MYO16: variants seen among roughly 807,000 people sequenced by gnomAD.
The protein encoded by MYO16 is myosin XVI.
A neutral mutation model predicts 205.3 loss-of-function variants in MYO16; 94 were observed. That is an observed-to-expected ratio of 0.46 (90% confidence interval 0.39 to 0.54). MYO16 has a LOEUF of 0.54. Among genes scored for constraint, MYO16 ranks in the 20% least tolerant of loss-of-function variants. The pLI is 0.00. For synonymous variants in MYO16, 988 were observed against 954.0 expected, an observed-to-expected ratio of 1.04 and a Z score of -0.66; for missense variants, 2,315 against 2,387.5, an observed-to-expected ratio of 0.97 and a Z score of 0.63.
In MYO16 at chr13:108,695,522, A is replaced by G. The variant is rs74336265; in HGVS notation, c.293-17139A>G. ...GTTATTCAGCTTCCCTTGCAATCTC[A>G]TATGAATTTTAGGGTCAGCTTTTTA... On this transcript the variant is annotated intron_variant, in intron 2 of 34. Coordinates refer to ENST00000457511, the MANE Select transcript of MYO16 (RefSeq NM_001198950.3). Among the ~76,000 whole-genome samples the G allele has an allele frequency of 5.2e-3, 784 of 151,818 alleles. 10 individuals are homozygous for G. Among genetic ancestry groups the G allele is most frequent in the African/African-American group, 0.018 (751 of 41,396 alleles).
chr13:108,981,319 A>G (rs1884440019), intron 20 of MYO16, among the ~76,000 whole-genome samples: 1 of 152,260 alleles, frequency 6.6e-6, no homozygotes. Context: ...CCTAGCTTAA[A>G]TGCCATCATC....
In MYO16 at chr13:108,838,690, T is replaced by TATATACAC. The variant is rs1487944143; in HGVS notation, c.1098-5652_1098-5651insTATACACA. 4.6e-4 allele frequency among the ~76,000 whole-genome samples: 63 copies of TATATACAC among 135,958 alleles called. 1 individual carries two copies. Among genetic ancestry groups the TATATACAC allele is most frequent in the African/African-American group, 1.7e-3 (61 of 35,846 alleles). The allele number at this position is 135,958 out of a possible 152,430, so 89.2% of individuals were successfully genotyped here. ...CAAAAAAAAAAAAAATATATATATA[T>TATATACAC]ACACACACACACACACACACTATAC... On this transcript the variant is annotated intron_variant, in intron 9 of 34. Transcript: ENST00000457511.
chr13:108,607,401 G>T (rs977351046), intron 1 of MYO16, among the ~76,000 whole-genome samples: 9 of 152,094 alleles, frequency 5.9e-5, no homozygotes, highest in Non-Finnish European at 1.0e-4. Context: ...GATCATGGGG[G>T]TGGTTCCCCT....
chr13:109,068,726 G>A (rs1450447774), intron 27 of MYO16, among the ~76,000 whole-genome samples: 1 of 151,966 alleles, frequency 6.6e-6, no homozygotes, highest in Non-Finnish European at 1.5e-5. Context: ...GGAATAGCCG[G>A]GATTACAGGC....
At chr13:108,994,650 C>T (rs1472458662) in intron 21 of MYO16, among the ~76,000 whole-genome samples, 1 of 152,084 alleles carries the variant, frequency 6.6e-6, no homozygotes, top group Non-Finnish European at 1.5e-5. Flanking sequence ...AATATTAGTG[C>T]TTTTATAATA....
chr13:108,854,464 A>G (rs1028491161), intron 10 of MYO16, among the ~76,000 whole-genome samples: 5 of 152,208 alleles, frequency 3.3e-5, no homozygotes, highest in Admixed American at 1.3e-4. Context: ...CTACATAGAC[A>G]TGATAAGCAG....
intron 7 of MYO16, among the ~76,000 whole-genome samples, chr13:108,814,954 A>G (rs1275549019): frequency 6.6e-6 from 1 of 152,232 alleles, no homozygotes; most frequent in African/African-American, 2.4e-5. Flanking sequence ...TGAAAATGAA[A>G]GGCAAGGTTA....
Position 109,055,665 on chromosome 13 carries a change from T to C in MYO16, c.3335+70T>C. On this transcript the variant is annotated intron_variant, in intron 27 of 34. Transcript: ENST00000457511. This position sits in a 1 kb window ranked among gnomAD's most constrained non-coding sequence, Gnocchi z 5.0. ...GTGCAGTGTACTGACACTGACACTA[T>C]TGTAGCAAGGGTCTTCTGTTGTCTT... The C allele has an allele frequency of 2.2e-6, 3 of 1,370,896 alleles. No individual in the cohort carries two copies. The highest frequency in any genetic ancestry group is 3.1e-6 in the Non-Finnish European group (3 of 975,894). 84.9% of individuals were successfully genotyped at this position (1,370,896 alleles called of 1,614,324 possible).
rs564808830 is a variant in MYO16, at chr13:108,914,906, G to A, written c.1925+4756G>A. Reference sequence around the variant, plus strand: ...GATCCACCTGCTTCAGCCTCCCAAAGTGCTGGGATCACAAGCATGAACCAC... The same window carrying A: ...GATCCACCTGCTTCAGCCTCCCAAAATGCTGGGATCACAAGCATGAACCAC... On this transcript the variant is annotated intron_variant, in intron 16 of 34. Transcript: ENST00000457511. Among the ~76,000 whole-genome samples, 85 of 152,284 alleles carry A rather than the reference G, an allele frequency of 5.6e-4. 2 individuals carry two copies. The South Asian group carries it at 0.017, about 30-fold the overall frequency.
At chr13:108,496,228 T>G in the MYO16 span, among the ~76,000 whole-genome samples, 2 of 152,170 alleles carry the variant, frequency 1.3e-5, no homozygotes, top group Non-Finnish European at 2.9e-5. Flanking sequence ...AGAAGCCTTC[T>G]GAACTCTGGA....
chr13:108,801,279 C>A (rs1356663594), intron 6 of MYO16, among the ~76,000 whole-genome samples: 1 of 152,172 alleles, frequency 6.6e-6, no homozygotes, highest in African/African-American at 2.4e-5. Context: ...TATTTGAAAT[C>A]ATTTTAGAAA....
the MYO16 span, among the ~76,000 whole-genome samples, chr13:108,521,076 T>G: frequency 1.3e-5 from 2 of 152,204 alleles, no homozygotes; most frequent in Admixed American, 1.3e-4. Context: ...TTCTTCCTTT[T>G]ATCCAAAATG....
intron 34 of MYO16, 60 bp downstream of exon 34, chr13:109,179,693 AT>A: frequency 2.2e-6 from 3 of 1,368,320 alleles, no homozygotes; most frequent in South Asian, 1.2e-5. Context: ...ATGACAAGGC[AT>A]TCATTAACTT....
chr13:108,557,880 G>T, the MYO16 span, among the ~76,000 whole-genome samples: 1 of 151,934 alleles, frequency 6.6e-6, no homozygotes, highest in African/African-American at 2.4e-5. Context: ...TTGTCCTATA[G>T]TTATACAAAG....
chr13:108,538,254 T>C, the MYO16 span, among the ~76,000 whole-genome samples: 1 of 151,898 alleles, frequency 6.6e-6, no homozygotes. Context: ...TCAGAACAAA[T>C]AAGAATATTT....
chr13:108,694,126 T>C (rs577612479), intron 2 of MYO16, among the ~76,000 whole-genome samples: 2 of 152,172 alleles, frequency 1.3e-5, no homozygotes, highest in African/African-American at 4.8e-5. Flanking sequence ...AGCATTTAGG[T>C]TGAATCTATA....
chr13:108,962,572 C>G (rs1883631181), intron 19 of MYO16, 77 bp downstream of exon 19: 1 of 1,042,162 alleles, frequency 9.6e-7, no homozygotes, highest in East Asian at 2.6e-5. Context: ...GACTTGTCCC[C>G]ACTTAGTGAA....
At chr13:108,781,589 C>T (rs1318199386) in intron 4 of MYO16, among the ~76,000 whole-genome samples, 1 of 152,202 alleles carries the variant, frequency 6.6e-6, no homozygotes, top group Non-Finnish European at 1.5e-5. Context: ...TTGGCCCTGG[C>T]TCCCCTCTGT....
chr13:108,618,048 GCT>G (rs1459536016), intron 1 of MYO16, among the ~76,000 whole-genome samples: 3 of 152,106 alleles, frequency 2.0e-5, no homozygotes, highest in South Asian at 2.1e-4. Flanking sequence ...TACCCAGTCT[GCT>G]CTGTCTTCAC....
Sources: gnomAD v4.1 joint callset for allele counts (sites outside exome capture counted in the v4.1 genomes callset) on GRCh38, gnomAD v4.1.1 for gene constraint, Gnocchi (gnomAD v3.1) non-coding constraint, MANE v1.5 for transcripts, NCBI Gene and HGNC (gene_info 2026-07-23, HGNC 2026-07-21) for gene names.